SLC8B1: variants seen among roughly 807,000 people sequenced by gnomAD.
SLC8B1 encodes the protein solute carrier family 8 member B1.
A neutral mutation model predicts 63.4 loss-of-function variants in SLC8B1; 52 were observed. That is an observed-to-expected ratio of 0.82 (90% CI 0.66 to 1.03). The LOEUF (loss-of-function observed/expected upper bound fraction) is 1.03, where lower values mean the gene tolerates loss of function less well. Ranked by LOEUF, SLC8B1 falls within the 50% of genes least tolerant of loss-of-function variation. The pLI is 0.00. For synonymous variants in SLC8B1, 336 were observed against 323.9 expected, an observed-to-expected ratio of 1.04 and a Z score of -0.40; for missense variants, 657 against 741.7, an observed-to-expected ratio of 0.89 and a Z score of 1.33.
chr12:113,325,724 C>G (rs576235108), intron 2 of SLC8B1, among the ~76,000 whole-genome samples: 2 of 151,596 alleles, frequency 1.3e-5, no homozygotes, highest in Non-Finnish European at 2.9e-5. Context: ...GCCACCACGC[C>G]CAGCTAATTT....
intron 7 of SLC8B1, among the ~76,000 whole-genome samples, chr12:113,319,609 A>G (rs1451662624): frequency 6.6e-6 from 1 of 151,112 alleles, no homozygotes; most frequent in Non-Finnish European, 1.5e-5. Flanking sequence ...CGCAGCTCCC[A>G]TTGTTGCTGG....
chr12:113,321,044 AGCC>A lies in SLC8B1; in HGVS notation c.362+9_362+11del. The A allele has an allele frequency of 6.2e-7, 1 of 1,610,582 alleles. No individual in the cohort carries two copies. Among genetic ancestry groups the A allele is most frequent in the African/African-American group, 1.3e-5 (1 of 75,008 alleles). On this transcript the variant is annotated intron_variant, in intron 4 of 15. Transcript: ENST00000680972. ...ATTGATAAGCCAGACCGGAGCCCAG[AGCC>A]AAACTCACAACTTGGCTGCGGTGAC...
At position 113,332,872 on chromosome 12, in the gene SLC8B1, C is replaced by T. The variant is rs143332433; in HGVS notation, c.7G>A (p.Gly3Ser). 281 of 1,613,894 alleles carry T rather than the reference C, an allele frequency of 1.7e-4. 1 individual carries two copies. In the East Asian group the frequency reaches 5.1e-3, roughly 29 times the overall value. Residue 3 changes from glycine to serine, a missense_variant, in exon 2 of 16, where the codon GGC (glycine) becomes AGC (serine). By Grantham distance (56) the Gly-to-Ser change is moderately conservative (BLOSUM62 0). Transcript: ENST00000680972. MA[G>S]RRLNLRWALS... ...GCCCAGCGCAGATTCAGCCTTCTGC[C>T]GGCCATCTGCCCCCACGGGGCCTGG...
intron 2 of SLC8B1, among the ~76,000 whole-genome samples, chr12:113,324,049 CACCTGTA>C (rs1956963965): frequency 6.6e-6 from 1 of 152,124 alleles, no homozygotes; most frequent in Non-Finnish European, 1.5e-5. Context: ...AACTGGCTCA[CACCTGTA>C]ATCCCAACAC....
intron 11 of SLC8B1, among the ~76,000 whole-genome samples, 197 bp downstream of exon 11, chr12:113,315,138 T>C (rs1049877445): frequency 6.6e-6 from 1 of 152,054 alleles, no homozygotes; most frequent in Admixed American, 6.5e-5. Flanking sequence ...ATACAAAAAT[T>C]AGCTGGGCGT....
chr12:113,302,606 G>A (rs1317382400), intron 15 of SLC8B1: 2 of 456,018 alleles, frequency 4.4e-6, no homozygotes, highest in Admixed American at 4.7e-5. Flanking sequence ...CACTTAGCAG[G>A]TATATCCAAC....
chr12:113,316,024 A>G (rs558715582), intron 10 of SLC8B1, among the ~76,000 whole-genome samples: 45 of 152,236 alleles, frequency 3.0e-4, no homozygotes, highest in Non-Finnish European at 5.9e-4. Context: ...GGAGATTGAG[A>G]CCATCCTGGC....
Position 113,334,946 on chromosome 12 carries a change from G to C in SLC8B1, c.-586C>G, listed in dbSNP as rs1361268342. 6.6e-6 allele frequency: 1 copy of C among 152,282 alleles called. No individual in the cohort carries two copies. Among genetic ancestry groups the C allele is most frequent in the African/African-American group, 2.4e-5 (1 of 41,472 alleles). The allele number at this position is 152,282 out of a possible 1,614,324, so 9.4% of individuals were successfully genotyped here. A position where few individuals can be genotyped will look rare whatever the true frequency, so the allele number is the denominator to read the frequency against. Reference sequence around the variant, plus strand: ...GGACGGAGGCTGAGAAGTCGAACTCGGGGCGCCCGGGTCCTCCGGCCGTGC... The same window carrying C: ...GGACGGAGGCTGAGAAGTCGAACTCCGGGCGCCCGGGTCCTCCGGCCGTGC... On this transcript the variant is annotated 5_prime_UTR_variant, in exon 1 of 16. Transcript: ENST00000680972.
chr12:113,333,522 C>T (rs1957086730), intron 1 of SLC8B1, among the ~76,000 whole-genome samples: 1 of 152,104 alleles, frequency 6.6e-6, no homozygotes, highest in East Asian at 1.9e-4. Flanking sequence ...ACATGCCGAG[C>T]GGGGGTAGCA....
At position 113,320,087 on chromosome 12, in the gene SLC8B1, T is replaced by C. The variant is rs926517112; in HGVS notation, c.694+244A>G. On this transcript the variant is annotated intron_variant, in intron 7 of 15. Transcript: ENST00000680972. This position sits in a 1 kb window ranked among gnomAD's most constrained non-coding sequence, Gnocchi z 5.3. ...GGATGATAGGTGTGAGCCATCACGC[T>C]TGGCCAAAAAATTGTGACACTTTTG... 26 of 504,318 alleles carry C rather than the reference T, an allele frequency of 5.2e-5. No individual in the cohort carries two copies. The highest frequency in any genetic ancestry group is 5.0e-4 in the African/African-American group (26 of 51,884). 31.2% of individuals were successfully genotyped at this position (504,318 alleles called of 1,614,324 possible).
intron 11 of SLC8B1, among the ~76,000 whole-genome samples, chr12:113,314,766 C>T (rs1956812323): frequency 6.6e-6 from 1 of 152,124 alleles, no homozygotes; most frequent in Non-Finnish European, 1.5e-5. Context: ...GATAAAATCC[C>T]CCAATTTTTA....
At chr12:113,309,703 C>T (rs967050612) in intron 12 of SLC8B1, among the ~76,000 whole-genome samples, 15 of 152,178 alleles carry the variant, frequency 9.9e-5, no homozygotes, top group Non-Finnish European at 5.9e-5. Flanking sequence ...CTGCAGTGAG[C>T]TATGACTGTA....
chr12:113,321,932 C>G (rs1181343833), intron 2 of SLC8B1, among the ~76,000 whole-genome samples: 2 of 152,034 alleles, frequency 1.3e-5, no homozygotes, highest in African/African-American at 2.4e-5. Flanking sequence ...GTGGCTCATG[C>G]CTATAATCCC....
intron 11 of SLC8B1, among the ~76,000 whole-genome samples, chr12:113,314,531 G>C (rs1956808618): frequency 6.6e-6 from 1 of 152,220 alleles, no homozygotes. Context: ...AGCCAGAGCA[G>C]GACAAGAAAG....
chr12:113,310,247 G>C lies in SLC8B1; in HGVS notation c.1244C>G (p.Pro415Arg), dbSNP rs1287782184. 11 of 1,613,800 alleles carry C rather than the reference G, an allele frequency of 6.8e-6. No homozygotes were observed. Among genetic ancestry groups the C allele is most frequent in the Non-Finnish European group, 3.4e-6 (4 of 1,179,960 alleles). The change falls in exon 12 of 16, where the codon CCC (proline) becomes CGC (arginine). Residue 415 changes from proline to arginine, a missense_variant. Coordinates refer to ENST00000680972, the MANE Select transcript of SLC8B1 (RefSeq NM_001358345.2). ...TFFATSDSQP[P>R]RLHWLFAFLG... ...CGGGCTTCTTACCCAGTGAAGCCTGGGGGGCTGGCTGTCAGATGTGGCAAA... is the reference window on the plus strand; with the variant it reads ...CGGGCTTCTTACCCAGTGAAGCCTGCGGGGCTGGCTGTCAGATGTGGCAAA...
Position 113,319,180 on chromosome 12 carries a change from G to A in SLC8B1, c.695-109C>T, listed in dbSNP as rs1956885756. 7 of 790,244 alleles carry A rather than the reference G, an allele frequency of 8.9e-6. No individual in the cohort carries two copies. The South Asian group carries it at 9.3e-5, about 11-fold the overall frequency. The allele number at this position is 790,244 out of a possible 1,614,324, so 49.0% of individuals were successfully genotyped here. On this transcript the variant is annotated intron_variant, in intron 7 of 15. Transcript: ENST00000680972. Reference sequence around the variant, plus strand: ...GTGTTAGCGGTGGCAATCTGTGTTAGCCCATCCAGGTACCAGTGGGTAAAT... The same window carrying A: ...GTGTTAGCGGTGGCAATCTGTGTTAACCCATCCAGGTACCAGTGGGTAAAT...
intron 14 of SLC8B1, among the ~76,000 whole-genome samples, chr12:113,306,152 C>T (rs1566225029): frequency 6.7e-6 from 1 of 148,646 alleles, no homozygotes; most frequent in African/African-American, 2.5e-5. Context: ...CATGACATGT[C>T]GCTATGAGCA....
chr12:113,299,609 A>G lies in SLC8B1; in HGVS notation c.*168T>C. 1 of 658,292 alleles carries G rather than the reference A, an allele frequency of 1.5e-6. No individual in the cohort carries two copies. The highest frequency in any genetic ancestry group is 1.8e-5 in the South Asian group (1 of 55,670). The allele number at this position is 658,292 out of a possible 1,614,324, so 40.8% of individuals were successfully genotyped here. ...CTGTTGGGTGCTGGCAGCAAGAGGT[A>G]CACAGCAGTTCTCCCAGCTCACAGC... is the stretch of plus-strand genomic sequence containing the variant. On this transcript the variant is annotated 3_prime_UTR_variant, in exon 16 of 16. Transcript: ENST00000680972.
rs559973987 is a variant in SLC8B1 at position 113,312,344 on chromosome 12, G to T, written c.1136-1989C>A. 3.9e-3 allele frequency among the ~76,000 whole-genome samples: 589 copies of T among 152,326 alleles called. 5 individuals carry two copies. Among genetic ancestry groups the T allele is most frequent in the African/African-American group, 0.013 (561 of 41,566 alleles). ...AGCTACTTGGGAGACTGAGGCAGGA[G>T]AATCATTTGAACCTGGGAGGCAGCG... On this transcript the variant is annotated intron_variant, in intron 11 of 15. Transcript: ENST00000680972.
Sources: gnomAD v4.1 joint callset for allele counts (sites outside exome capture counted in the v4.1 genomes callset) on GRCh38, gnomAD v4.1.1 for gene constraint, Gnocchi (gnomAD v3.1) non-coding constraint, MANE v1.5 for transcripts, NCBI Gene and HGNC (gene_info 2026-07-23, HGNC 2026-07-21) for gene names.